The following DOCK1 variants were observed in gnomAD, a reference collection of about 807,000 sequenced individuals.
The protein encoded by DOCK1 is dedicator of cytokinesis protein 1.
A neutral mutation model predicts 262.7 loss-of-function variants in DOCK1; 138 were observed. The observed-to-expected ratio is 0.53, with a 90% CI of 0.46 to 0.61. DOCK1 has a LOEUF of 0.61. Among genes scored for constraint, DOCK1 ranks in the 20% least tolerant of loss-of-function variants. The pLI is 0.00. For missense variants in DOCK1, 1,908 were observed against 2,370.7 expected (o/e 0.80, Z 4.05); for synonymous variants, 866 against 867.4 (o/e 1.00, Z 0.03).
chr10:127,176,492 C>A lies in DOCK1; in HGVS notation c.2847+48728C>A. On this transcript the variant is annotated intron_variant, in intron 27 of 51. Transcript: ENST00000623213. The surrounding 1 kb of genome is among the most constrained non-coding windows in gnomAD (Gnocchi z 4.4). ...AAACTTTTAGCCACCACGACGACTG[C>A]CTGTTTCCTAATTATATTTAAGCAG... 1 of 1,033,882 alleles carries A rather than the reference C, an allele frequency of 9.7e-7. No individual in the cohort carries two copies. Among genetic ancestry groups the A allele is most frequent in the East Asian group, 2.5e-5 (1 of 40,668 alleles). 64.0% of individuals were successfully genotyped at this position (1,033,882 alleles called of 1,614,324 possible). A position where few individuals can be genotyped will look rare whatever the true frequency, so the allele number is the denominator to read the frequency against.
intron 47 of DOCK1, among the ~76,000 whole-genome samples, chr10:127,427,037 T>G (rs2068858480): frequency 6.6e-6 from 1 of 152,126 alleles, no homozygotes; most frequent in Non-Finnish European, 1.5e-5. Flanking sequence ...CTGGGAGCTT[T>G]GCTGGGCCTA....
intron 25 of DOCK1, among the ~76,000 whole-genome samples, chr10:127,118,030 A>G (rs2049300292): frequency 6.6e-6 from 1 of 152,028 alleles, no homozygotes; most frequent in Non-Finnish European, 1.5e-5. Flanking sequence ...TATGTATTTT[A>G]TTGTCAGAGC....
At chr10:127,344,483 G>T (rs185209729) in intron 31 of DOCK1, 2 of 152,270 alleles carry the variant, frequency 1.3e-5, no homozygotes, top group East Asian at 3.9e-4. Context: ...TTCTGAAATT[G>T]CATTGGTGTT....
At position 127,226,922 on chromosome 10, in the gene DOCK1, C is replaced by T. The variant is rs117920648; in HGVS notation, c.2848-21086C>T. Among the ~76,000 whole-genome samples the T allele has an allele frequency of 5.1e-3, 780 of 152,278 alleles. 3 individuals are homozygous for T. The highest frequency in any genetic ancestry group is 7.6e-3 in the Non-Finnish European group (518 of 68,030). On this transcript the variant is annotated intron_variant, in intron 27 of 51. Coordinates refer to ENST00000623213, the MANE Select transcript of DOCK1 (RefSeq NM_001290223.2). ...CAGCACCCAAGTCACCCCGTCATGG[C>T]TCTGTCATGCTGCATACACCACTGC...
chr10:127,013,216 C>T (rs139058327), intron 12 of DOCK1, among the ~76,000 whole-genome samples: 11 of 152,166 alleles, frequency 7.2e-5, no homozygotes, highest in South Asian at 2.1e-4. Flanking sequence ...GAACTACCCC[C>T]CTTTCTGGCA....
At chr10:127,093,653 G>T (rs2047722616) in intron 23 of DOCK1, among the ~76,000 whole-genome samples, 1 of 151,542 alleles carries the variant, frequency 6.6e-6, no homozygotes, top group African/African-American at 2.4e-5. Context: ...CGCACCCATG[G>T]CCTTTTTTTT....
At chr10:127,108,869 A>T (rs946899423) in intron 24 of DOCK1, among the ~76,000 whole-genome samples, 4 of 152,186 alleles carry the variant, frequency 2.6e-5, no homozygotes, top group African/African-American at 9.7e-5. Flanking sequence ...TTTTATCCTC[A>T]ATAACTTGTC....
At position 127,014,396 on chromosome 10, in the gene DOCK1, T is replaced by C. The variant is rs117135349; in HGVS notation, c.1201+2022T>C. ...TTAAAACACAGCATAATCAGGAACA[T>C]TTAATTTCCATTTTTAAAGCGTGTG... On this transcript the variant is annotated intron_variant, in intron 12 of 51. Transcript: ENST00000623213. Among the ~76,000 whole-genome samples, 323 of 152,284 alleles carry C rather than the reference T, an allele frequency of 2.1e-3. 5 individuals carry two copies. The East Asian group carries it at 0.053, about 25-fold the overall frequency.
At chr10:127,397,513 G>A (rs2066961487) in intron 38 of DOCK1, among the ~76,000 whole-genome samples, 1 of 150,708 alleles carries the variant, frequency 6.6e-6, no homozygotes, top group East Asian at 2.0e-4. Flanking sequence ...TGTGATCTGA[G>A]CATGAGTTAC....
intron 28 of DOCK1, among the ~76,000 whole-genome samples, chr10:127,249,861 C>G (rs905922512): frequency 1.2e-4 from 18 of 152,172 alleles, no homozygotes; most frequent in African/African-American, 4.1e-4. Flanking sequence ...AGTAAGGGAA[C>G]AAGAATATGT....
At chr10:127,310,607 G>A (rs2062030870) in intron 29 of DOCK1, among the ~76,000 whole-genome samples, 2 of 152,178 alleles carry the variant, frequency 1.3e-5, no homozygotes, top group South Asian at 2.1e-4. Context: ...TCTCGTAAAA[G>A]CGTTCTCTAA....
At chr10:127,365,044 AT>A (rs11331563) in intron 33 of DOCK1, among the ~76,000 whole-genome samples, 46,087 of 151,970 alleles carry the variant, frequency 0.3, 7,213 homozygotes, top group East Asian at 0.42. Context: ...TTATACCTAG[AT>A]TTTTTTTATT....
At chr10:127,115,637 C>T (rs143952647) in intron 25 of DOCK1, among the ~76,000 whole-genome samples, 8 of 152,194 alleles carry the variant, frequency 5.3e-5, no homozygotes, top group South Asian at 2.1e-4. Flanking sequence ...AGAACACTGA[C>T]GTTTAGGATT....
At chr10:127,141,133 T>C (rs2051201074) in intron 27 of DOCK1, among the ~76,000 whole-genome samples, 1 of 152,198 alleles carries the variant, frequency 6.6e-6, no homozygotes, top group Non-Finnish European at 1.5e-5. Context: ...GCCCACTGTT[T>C]CTCAGGTCCA....
chr10:127,210,350 C>A (rs902002084), intron 27 of DOCK1, among the ~76,000 whole-genome samples: 4 of 152,110 alleles, frequency 2.6e-5, no homozygotes, highest in Non-Finnish European at 5.9e-5. Flanking sequence ...TGGAGAGCCA[C>A]GAAGGTGGCA....
intron 1 of DOCK1, among the ~76,000 whole-genome samples, chr10:126,951,646 G>A (rs1208738023): frequency 6.6e-6 from 1 of 151,690 alleles, no homozygotes; most frequent in Non-Finnish European, 1.5e-5. Flanking sequence ...ATTGTTGTTT[G>A]TAGTATTGGT....
At chr10:127,111,213 G>A (rs558641429) in intron 25 of DOCK1, among the ~76,000 whole-genome samples, 1 of 152,132 alleles carries the variant, frequency 6.6e-6, no homozygotes, top group Non-Finnish European at 1.5e-5. Flanking sequence ...TGTGCCTTCT[G>A]GGATGCGAAT....
intron 3 of DOCK1, among the ~76,000 whole-genome samples, chr10:126,980,782 G>T (rs2038908636): frequency 6.6e-6 from 1 of 152,060 alleles, no homozygotes; most frequent in Non-Finnish European, 1.5e-5. Flanking sequence ...AGCCACAGGG[G>T]TGCCACTTTA....
At chr10:127,284,542 A>G (rs1020745267) in intron 29 of DOCK1, among the ~76,000 whole-genome samples, 1 of 152,228 alleles carries the variant, frequency 6.6e-6, no homozygotes, top group Non-Finnish European at 1.5e-5. Context: ...CTTCCAGTTA[A>G]GGTTTTAACA....
Sources: gnomAD v4.1 joint callset for allele counts (sites outside exome capture counted in the v4.1 genomes callset) on GRCh38, gnomAD v4.1.1 for gene constraint, Gnocchi (gnomAD v3.1) non-coding constraint, MANE v1.5 for transcripts, NCBI Gene and HGNC (gene_info 2026-07-23, HGNC 2026-07-21) for gene names.